FLNC: variants seen among roughly 807,000 people sequenced by gnomAD.
FLNC encodes the protein filamin C.
Under a neutral mutation model 254.3 loss-of-function variants are expected in FLNC, and 91 were observed. That is an observed-to-expected ratio of 0.36 (90% confidence interval 0.30 to 0.43). The LOEUF (loss-of-function observed/expected upper bound fraction) is 0.43. Ranked by LOEUF, FLNC falls within the 20% of genes least tolerant of loss-of-function variation. FLNC has a pLI of 1.00. For synonymous variants in FLNC, 1,430 were observed against 1,577.2 expected, an observed-to-expected ratio of 0.91 and a Z score of 2.21; for missense variants, 2,853 against 3,802.6, an observed-to-expected ratio of 0.75 and a Z score of 6.57.
At position 128,849,521 on chromosome 7, in the gene FLNC, C is replaced by T. The variant is rs573362121; in HGVS notation, c.5142C>T (p.Tyr1714=). ...ACACAGCGCCCGAGCCGGGCAAGTA[C>T]GTCATCACCATCCGCTTCGGGGGTG... ...IYYTAPEPGK[Y]VITIRFGGEH... Residue 1714 remains tyrosine, a synonymous_variant, in exon 30 of 48, where the codon TAC becomes TAT. Transcript: ENST00000325888. 1.6e-5 allele frequency: 26 copies of T among 1,614,222 alleles called. No individual in the cohort carries two copies. In the South Asian group the frequency reaches 1.8e-4, roughly 11 times the overall value.
rs763968152 is a variant in FLNC, at chr7:128,837,705, G to A, written c.919G>A (p.Val307Met). The A allele has an allele frequency of 1.8e-5, 29 of 1,607,128 alleles. No individual in the cohort carries two copies. The highest frequency in any genetic ancestry group is 4.4e-5 in the South Asian group (4 of 90,536). The change falls in exon 5 of 48, where the codon GTG (valine) becomes ATG (methionine). Residue 307 changes from valine (V) to methionine (M), a missense_variant. Physicochemically the swap from Val to Met is conservative, Grantham distance 21. This residue lies in a region of FLNC where 1,573 missense variants were observed against 1,883.5 expected (regional missense o/e 0.84). Transcript: ENST00000325888. Reference protein sequence around the residue: ...HFTVQTVDAGVGEVLVYIEDP... With the variant: ...HFTVQTVDAGMGEVLVYIEDP... ...CACCGTGCAGACGGTGGACGCGGGC[G>A]TGGGCGAGGTGCTGGTCTACATCGA... is the stretch of plus-strand genomic sequence containing the variant.
intron 40 of FLNC, 88 bp downstream of exon 40, chr7:128,854,304 G>T: frequency 6.2e-7 from 1 of 1,603,088 alleles, no homozygotes; most frequent in African/African-American, 1.3e-5. Flanking sequence ...GACTGGCCCC[G>T]AAGGCCAGGG....
chr7:128,851,923 T>C (rs1808834387), intron 35 of FLNC, among the ~76,000 whole-genome samples: 1 of 152,210 alleles, frequency 6.6e-6, no homozygotes, highest in South Asian at 2.1e-4. Context: ...TGGAGTACAG[T>C]GGCACGATCT....
Position 128,858,227 on chromosome 7 carries a change from G to A in FLNC, c.7990+10G>A, listed in dbSNP as rs745488329. 68 of 1,401,816 alleles carry A rather than the reference G, an allele frequency of 4.9e-5. No homozygotes were observed. The highest frequency in any genetic ancestry group is 3.9e-4 in the African/African-American group (28 of 71,400). 86.8% of individuals were successfully genotyped at this position (1,401,816 alleles called of 1,614,324 possible). A position where few individuals can be genotyped will look rare whatever the true frequency, so the allele number is the denominator to read the frequency against. On this transcript the variant is annotated intron_variant, in intron 47 of 47. Transcript: ENST00000325888. This position sits in a 1 kb window ranked among gnomAD's most constrained non-coding sequence, Gnocchi z 6.7. Reference sequence around the variant, plus strand: ...GACTGCAGCAAAGCAGGCAGGTGGCGGGGGGAGGGCGTCTCCCGGGGTGTG... The same window carrying A: ...GACTGCAGCAAAGCAGGCAGGTGGCAGGGGGAGGGCGTCTCCCGGGGTGTG...
rs751650734 is a variant in FLNC, at chr7:128,850,072, T to C, written c.5296T>C (p.Trp1766Arg). 2.5e-4 allele frequency: 391 copies of C among 1,537,034 alleles called. 1 individual carries two copies. The highest frequency in any genetic ancestry group is 3.3e-4 in the Non-Finnish European group (378 of 1,145,360). ...CCGGCCCGGCGCCCGCCCCACACAC[T>C]GGGTACTGCGCCTCCCACCAGGCGA... is the stretch of plus-strand genomic sequence containing the variant. ...PPRPGARPTH[W>R]ATEEPVVPVE... is the part of the protein sequence containing the mutation. Residue 1766 changes from tryptophan to arginine, a missense_variant and splice_region_variant, in exon 31 of 48, where the codon TGG (tryptophan) becomes CGG (arginine). Trp to Arg is a moderately radical substitution (Grantham distance 101). Transcript: ENST00000325888.
Position 128,848,846 on chromosome 7 carries a change from G to T in FLNC, c.4791G>T (p.Thr1597=), listed in dbSNP as rs374180766. 14 of 1,613,998 alleles carry T rather than the reference G, an allele frequency of 8.7e-6. No homozygotes were observed. Among genetic ancestry groups the T allele is most frequent in the African/African-American group, 1.3e-5 (1 of 74,918 alleles). The stretch of plus-strand genomic sequence containing the variant: ...ACATCCGGGACAATGGGGATGGCAC[G>T]TACACTGTGTCCTACCTGCCGGACA... The part of the protein sequence containing the change: ...KANIRDNGDG[T]YTVSYLPDMS... Residue 1597 remains threonine (T), a synonymous_variant, in exon 28 of 48, where the codon ACG becomes ACT. Coordinates refer to ENST00000325888, the MANE Select transcript of FLNC (RefSeq NM_001458.5).
In FLNC at chr7:128,847,693, A is replaced by C. The variant is rs140031589; in HGVS notation, c.4289-4A>C. 1.3e-3 allele frequency: 2,030 copies of C among 1,613,872 alleles called. 15 individuals carry two copies. In the African/African-American group the frequency reaches 0.024, roughly 19 times the overall value. ...GGCAGGGTCTAATGTCCTTCTCCTCACAGGGAGCCCGTTCCGCGTGCCAGT... is the reference window on the plus strand; with the variant it reads ...GGCAGGGTCTAATGTCCTTCTCCTCCCAGGGAGCCCGTTCCGCGTGCCAGT... On this transcript the variant is annotated splice_polypyrimidine_tract_variant and splice_region_variant and intron_variant, in intron 24 of 47. Coordinates refer to ENST00000325888, the MANE Select transcript of FLNC (RefSeq NM_001458.5).
At position 128,830,468 on chromosome 7, in the gene FLNC, A is replaced by G. The variant is rs931565145; in HGVS notation, c.-170A>G. On this transcript the variant is annotated 5_prime_UTR_variant, in exon 1 of 48. Transcript: ENST00000325888. ...AGAGCCAGAGAGCGGCCGAGCGCCT[A>G]GGAGGCCCGCCGAGCCTCGCCGAGC... 4.9e-4 allele frequency: 304 copies of G among 625,192 alleles called. 1 individual carries two copies. The African/African-American group carries it at 5.1e-3, about 10-fold the overall frequency. 38.7% of individuals were successfully genotyped at this position (625,192 alleles called of 1,614,324 possible). A position where few individuals can be genotyped will look rare whatever the true frequency, so the allele number is the denominator to read the frequency against.
At position 128,845,017 on chromosome 7, in the gene FLNC, C is replaced by A. The variant is rs373310802; in HGVS notation, c.3552C>A (p.Gly1184=). The change falls in exon 21 of 48, where the codon GGC becomes GGA. Residue 1184 remains glycine, a synonymous_variant. Transcript: ENST00000325888. ...TCACTGTGGACTGCTCAGAGGCAGGCGAGGCGGAGCTGACCATTGAGATCC... is the reference window on the plus strand; with the variant it reads ...TCACTGTGGACTGCTCAGAGGCAGGAGAGGCGGAGCTGACCATTGAGATCC... ...ATFTVDCSEA[G]EAELTIEILS... 6.2e-7 allele frequency: 1 copy of A among 1,613,736 alleles called. No homozygotes were observed. The highest frequency in any genetic ancestry group is 1.7e-5 in the Admixed American group (1 of 60,028).
In FLNC at chr7:128,836,506, C is replaced by G. The variant is rs1808098868; in HGVS notation, c.602-654C>G. The stretch of plus-strand genomic sequence containing the variant: ...CCCCTCCTCCAGCTCTGGCCTAAAC[C>G]AAGCGCCCCTTCACCTGCACCGTTC... On this transcript the variant is annotated intron_variant, in intron 2 of 47. Coordinates refer to ENST00000325888, the MANE Select transcript of FLNC (RefSeq NM_001458.5). The surrounding 1 kb of genome is among the most constrained non-coding windows in gnomAD (Gnocchi z 6.0). 6.6e-6 allele frequency among the ~76,000 whole-genome samples: 1 copy of G among 152,208 alleles called. No individual in the cohort carries two copies. Among genetic ancestry groups the G allele is most frequent in the South Asian group, 2.1e-4 (1 of 4,832 alleles).
intron 1 of FLNC, among the ~76,000 whole-genome samples, chr7:128,833,048 C>T (rs749553375): frequency 9.2e-5 from 14 of 152,218 alleles, no homozygotes; most frequent in Admixed American, 4.6e-4. Flanking sequence ...AAGTCAGGGT[C>T]TGGAGTAGCA....
rs1184523904 is a variant in FLNC, at chr7:128,843,243, C to A, written c.2565C>A (p.Ser855Arg). Residue 855 changes from serine to arginine, a missense_variant, in exon 17 of 48, where the codon AGC (serine) becomes AGA (arginine). Physicochemically the swap from Ser to Arg is moderately radical, Grantham distance 110 (BLOSUM62 -1). Transcript: ENST00000325888. ...VLFANQEIPA[S>R]PFHIKVDPSH... ...TCCACATCCAGGAGATCCCCGCCAG[C>A]CCCTTCCACATCAAGGTGGACCCAT... The A allele has an allele frequency of 6.2e-7, 1 of 1,603,444 alleles. No homozygotes were observed. The highest frequency in any genetic ancestry group is 8.5e-7 in the Non-Finnish European group (1 of 1,174,838).
chr7:128,852,944 G>C lies in FLNC; in HGVS notation c.6121G>C (p.Ala2041Pro), dbSNP rs745842738. Reference sequence around the variant, plus strand: ...GGTGGGGCCATCTGAGATCGGGGACGCCAGCAAGGTGCGGGTCTGGGGCAA... The same window carrying C: ...GGTGGGGCCATCTGAGATCGGGGACCCCAGCAAGGTGCGGGTCTGGGGCAA... ...ILVGPSEIGD[A>P]SKVRVWGKGL... Residue 2041 changes from alanine (A) to proline (P), a missense_variant, in exon 37 of 48, where the codon GCC becomes CCC. This residue lies in a region of FLNC where 551 missense variants were observed against 835.0 expected (regional missense o/e 0.66). Transcript: ENST00000325888. 39 of 1,613,464 alleles carry C rather than the reference G, an allele frequency of 2.4e-5. No homozygotes were observed. The highest frequency in any genetic ancestry group is 3.3e-5 in the Non-Finnish European group (39 of 1,180,024).
At position 128,858,227 on chromosome 7, in the gene FLNC, G is replaced by C. The variant is rs745488329; in HGVS notation, c.7990+10G>C. On this transcript the variant is annotated intron_variant, in intron 47 of 47. Transcript: ENST00000325888. This position sits in a 1 kb window ranked among gnomAD's most constrained non-coding sequence, Gnocchi z 6.7. ...GACTGCAGCAAAGCAGGCAGGTGGC[G>C]GGGGGAGGGCGTCTCCCGGGGTGTG... 1.6e-5 allele frequency: 22 copies of C among 1,401,840 alleles called. No homozygotes were observed. The highest frequency in any genetic ancestry group is 2.3e-5 in the East Asian group (1 of 43,710). 86.8% of individuals were successfully genotyped at this position (1,401,840 alleles called of 1,614,324 possible).
Position 128,835,398 on chromosome 7 carries a change from C to G in FLNC, c.425C>G (p.Ser142Cys). Residue 142 changes from serine (S) to cysteine (C), a missense_variant, in exon 2 of 48, where the codon TCC (serine) becomes TGC (cysteine). Physicochemically the swap from Ser to Cys is moderately radical, Grantham distance 112. Around this residue, in one of 10 missense-constraint regions of FLNC, gnomAD observed 115 missense variants for 230.3 expected, o/e 0.50. Transcript: ENST00000325888. The surrounding 1 kb of genome is among the most constrained non-coding windows in gnomAD (Gnocchi z 5.3). Reference sequence around the variant, plus strand: ...ATCTGGACGCTGATCCTGCACTACTCCATCTCCATGCCCATGTGGGAGGAT... The same window carrying G: ...ATCTGGACGCTGATCCTGCACTACTGCATCTCCATGCCCATGTGGGAGGAT... ...GLIWTLILHY[S>C]ISMPMWEDED... 6.2e-7 allele frequency: 1 copy of G among 1,614,152 alleles called. No homozygotes were observed. The highest frequency in any genetic ancestry group is 8.5e-7 in the Non-Finnish European group (1 of 1,180,038).
chr7:128,835,340 G>C lies in FLNC; in HGVS notation c.367G>C (p.Val123Leu). Reference sequence around the variant, plus strand: ...CCCCTCTGCAGACAGCAAGGCCATCGTGGATGGGAACCTGAAGCTGATCCT... The same window carrying C: ...CCCCTCTGCAGACAGCAAGGCCATCCTGGATGGGAACCTGAAGCTGATCCT... Reference protein sequence around the residue: ...KLVSIDSKAIVDGNLKLILGL... With the variant: ...KLVSIDSKAILDGNLKLILGL... Residue 123 changes from valine to leucine, a missense_variant, in exon 2 of 48, where the codon GTG (valine) becomes CTG (leucine). Val to Leu is a conservative substitution (Grantham distance 32). Coordinates refer to ENST00000325888, the MANE Select transcript of FLNC (RefSeq NM_001458.5). The surrounding 1 kb of genome is among the most constrained non-coding windows in gnomAD (Gnocchi z 5.3). 1 of 1,613,818 alleles carries C rather than the reference G, an allele frequency of 6.2e-7. No individual in the cohort carries two copies. The highest frequency in any genetic ancestry group is 8.5e-7 in the Non-Finnish European group (1 of 1,180,024).
chr7:128,837,696 G>T lies in FLNC; in HGVS notation c.910G>T (p.Asp304Tyr). The change falls in exon 5 of 48, where the codon GAC (aspartate) becomes TAC (tyrosine). Residue 304 changes from aspartate (D) to tyrosine (Y), a missense_variant. Coordinates refer to ENST00000325888, the MANE Select transcript of FLNC (RefSeq NM_001458.5). ...QPAHFTVQTV[D>Y]AGVGEVLVYI... Reference sequence around the variant, plus strand: ...TGCCCACTTCACCGTGCAGACGGTGGACGCGGGCGTGGGCGAGGTGCTGGT... The same window carrying T: ...TGCCCACTTCACCGTGCAGACGGTGTACGCGGGCGTGGGCGAGGTGCTGGT... The T allele has an allele frequency of 6.2e-7, 1 of 1,610,820 alleles. No individual in the cohort carries two copies.
Position 128,856,630 on chromosome 7 carries a change from A to G in FLNC, c.7364A>G (p.Tyr2455Cys), listed in dbSNP as rs769298304. ...HTPSGAVEEC[Y>C]VSELDSDKHT... ...CCCTCGGGGGCTGTGGAGGAGTGCT[A>G]CGTCTCTGAGCTGGACAGTGGTGAG... The change falls in exon 44 of 48, where the codon TAC (tyrosine) becomes TGC (cysteine). Residue 2455 changes from tyrosine to cysteine, a missense_variant. By Grantham distance (194) the Tyr-to-Cys change is radical. Transcript: ENST00000325888. The surrounding 1 kb of genome is among the most constrained non-coding windows in gnomAD (Gnocchi z 5.9). 6.2e-6 allele frequency: 10 copies of G among 1,612,798 alleles called. No individual in the cohort carries two copies. In the Admixed American group the frequency reaches 6.7e-5, roughly 11 times the overall value.
chr7:128,851,318 A>G lies in FLNC; in HGVS notation c.5626A>G (p.Lys1876Glu). The G allele has an allele frequency of 6.2e-7, 1 of 1,614,092 alleles. No individual in the cohort carries two copies. The highest frequency in any genetic ancestry group is 1.1e-5 in the South Asian group (1 of 91,080). ...GPGLSHGMVN[K>E]PATFTIVTKD... ...AGGCCTGAGCCATGGCATGGTCAAC[A>G]AGCCAGCCACCTTCACTATTGTCAC... is the stretch of plus-strand genomic sequence containing the variant. The change falls in exon 34 of 48, where the codon AAG (lysine) becomes GAG (glutamate). Residue 1876 changes from lysine (K) to glutamate (E), a missense_variant. Lys to Glu is a moderately conservative substitution (Grantham distance 56). Around this residue, in one of 10 missense-constraint regions of FLNC, gnomAD observed 551 missense variants for 835.0 expected, o/e 0.66. Coordinates refer to ENST00000325888, the MANE Select transcript of FLNC (RefSeq NM_001458.5).
Sources: allele counts gnomAD v4.1 joint callset (sites outside exome capture counted in the v4.1 genomes callset), GRCh38; gene constraint gnomAD v4.1.1; regional missense constraint gnomAD v4.1.1; non-coding constraint Gnocchi (gnomAD v3.1); transcripts MANE v1.5; gene names NCBI Gene and HGNC (gene_info 2026-07-23, HGNC 2026-07-21).